KCNH5: variants seen among roughly 807,000 people sequenced by gnomAD.
KCNH5 encodes the protein potassium voltage-gated channel subfamily H member 5.
In KCNH5, 46 loss-of-function variants were observed where a neutral mutation model predicts 96.1. The observed-to-expected ratio is 0.48, with a 90% CI of 0.38 to 0.61. The LOEUF is 0.61. Among genes scored for constraint, KCNH5 ranks in the 20% least tolerant of loss-of-function variants. The pLI is 0.00. For missense variants in KCNH5, 907 were observed against 1,225.8 expected (o/e 0.74, Z 3.88); for synonymous variants, 439 against 449.8 (o/e 0.98, Z 0.30).
intron 1 of KCNH5, among the ~76,000 whole-genome samples, chr14:63,031,187 T>A (rs1891619378): frequency 6.6e-6 from 1 of 152,112 alleles, no homozygotes; most frequent in South Asian, 2.1e-4. Flanking sequence ...TCTAAGACTT[T>A]CTATTCTGTC....
At chr14:62,931,247 G>T (rs968251721) in intron 7 of KCNH5, among the ~76,000 whole-genome samples, 1 of 152,068 alleles carries the variant, frequency 6.6e-6, no homozygotes, top group Non-Finnish European at 1.5e-5. Context: ...AGCAAGGTTG[G>T]GATATTCTCT....
chr14:62,879,647 T>C (rs1888452929), intron 7 of KCNH5, among the ~76,000 whole-genome samples: 1 of 152,176 alleles, frequency 6.6e-6, no homozygotes, highest in African/African-American at 2.4e-5. Context: ...TATATTACTA[T>C]CTGTAGCGTG....
intron 8 of KCNH5, among the ~76,000 whole-genome samples, chr14:62,837,103 C>T (rs938415507): frequency 7.2e-5 from 11 of 152,088 alleles, no homozygotes; most frequent in African/African-American, 2.4e-4. Context: ...GGGCACAGTC[C>T]CTAAATGTGT....
At chr14:62,831,925 G>A (rs1033020402) in intron 8 of KCNH5, among the ~76,000 whole-genome samples, 1 of 151,876 alleles carries the variant, frequency 6.6e-6, no homozygotes, top group African/African-American at 2.4e-5. Context: ...GTTACCCAGG[G>A]TGGTCTTAAA....
intron 8 of KCNH5, among the ~76,000 whole-genome samples, chr14:62,833,382 T>A (rs1887398384): frequency 6.6e-6 from 1 of 152,056 alleles, no homozygotes; most frequent in Non-Finnish European, 1.5e-5. Flanking sequence ...CCAATACCAT[T>A]TATTTAAGAG....
intron 9 of KCNH5, among the ~76,000 whole-genome samples, chr14:62,781,551 G>A (rs1271089268): frequency 6.6e-6 from 1 of 152,118 alleles, no homozygotes; most frequent in Non-Finnish European, 1.5e-5. Flanking sequence ...GCGGGGGGTG[G>A]GGGGCAGTTT....
At chr14:62,774,450 T>C (rs1886055008) in intron 10 of KCNH5, among the ~76,000 whole-genome samples, 1 of 152,240 alleles carries the variant, frequency 6.6e-6, no homozygotes, top group African/African-American at 2.4e-5. Flanking sequence ...CCTGCCAGGT[T>C]AACTCTTTTT....
At chr14:62,874,420 C>A (rs1888326437) in intron 7 of KCNH5, among the ~76,000 whole-genome samples, 1 of 152,084 alleles carries the variant, frequency 6.6e-6, no homozygotes, top group African/African-American at 2.4e-5. Flanking sequence ...AATGAGATAC[C>A]ATCTCACACC....
Position 63,001,317 on chromosome 14 carries a change from C to G in KCNH5, c.433+14G>C. The G allele has an allele frequency of 6.3e-7, 1 of 1,591,054 alleles. No homozygotes were observed. On this transcript the variant is annotated intron_variant, in intron 4 of 10. Coordinates refer to ENST00000322893, the MANE Select transcript of KCNH5 (RefSeq NM_139318.5). ...AGCCTAATTTTTCAGTGTAGTAATT[C>G]TTTTGAAAATTACCTTTTGTTGAAT... is the stretch of plus-strand genomic sequence containing the variant.
intron 8 of KCNH5, among the ~76,000 whole-genome samples, chr14:62,836,747 T>C (rs1451740018): frequency 6.6e-6 from 1 of 152,166 alleles, no homozygotes; most frequent in East Asian, 1.9e-4. Flanking sequence ...ATTTATGCAA[T>C]TATTTTTATC....
chr14:62,984,805 A>C (rs1373429931), intron 5 of KCNH5, among the ~76,000 whole-genome samples: 5 of 152,160 alleles, frequency 3.3e-5, no homozygotes, highest in African/African-American at 9.7e-5. Flanking sequence ...GTTTCTCAAA[A>C]ATAAAAATGA....
At chr14:63,029,748 T>C (rs1891592044) in intron 1 of KCNH5, among the ~76,000 whole-genome samples, 2 of 152,086 alleles carry the variant, frequency 1.3e-5, no homozygotes, top group African/African-American at 2.4e-5. Context: ...AGGTTTCTTT[T>C]TGAAATTTCT....
At position 62,707,864 on chromosome 14, in the gene KCNH5, T is replaced by G; in HGVS notation, c.2611A>C (p.Ser871Arg). Residue 871 changes from serine (S) to arginine (R), a missense_variant, in exon 11 of 11, where the codon AGT (serine) becomes CGT (arginine). This residue lies in a region of KCNH5 where 362 missense variants were observed against 394.4 expected (regional missense o/e 0.92). Transcript: ENST00000322893. Reference sequence around the variant, plus strand: ...CCAGCCTTATCCAAACGAAGGTCACTTTTTGTAATTCCACTGTCACAAGAA... The same window carrying G: ...CCAGCCTTATCCAAACGAAGGTCACGTTTTGTAATTCCACTGTCACAAGAA... ...TDSCDSGITK[S>R]DLRLDKAGEA... 6.2e-7 allele frequency: 1 copy of G among 1,614,226 alleles called. No homozygotes were observed. Among genetic ancestry groups the G allele is most frequent in the South Asian group, 1.1e-5 (1 of 91,084 alleles).
intron 1 of KCNH5, among the ~76,000 whole-genome samples, chr14:63,042,800 A>C (rs1238011387): frequency 6.6e-6 from 1 of 152,120 alleles, no homozygotes; most frequent in Non-Finnish European, 1.5e-5. Context: ...CATAATTCTC[A>C]ATTTCTGAGG....
chr14:62,700,175 A>G lies in KCNH5; in HGVS notation c.*7333T>C, dbSNP rs1339300092. 6.6e-6 allele frequency: 1 copy of G among 152,234 alleles called. No homozygotes were observed. Among genetic ancestry groups the G allele is most frequent in the Non-Finnish European group, 1.5e-5 (1 of 68,036 alleles). The allele number at this position is 152,234 out of a possible 1,614,324, so 9.4% of individuals were successfully genotyped here. A position where few individuals can be genotyped will look rare whatever the true frequency, so the allele number is the denominator to read the frequency against. ...TAGAACATAGACTAAAAAGAACTCTATAATTTTCAATATATCGTGAATCTG... is the reference window on the plus strand; with the variant it reads ...TAGAACATAGACTAAAAAGAACTCTGTAATTTTCAATATATCGTGAATCTG... On this transcript the variant is annotated 3_prime_UTR_variant, in exon 11 of 11. Coordinates refer to ENST00000322893, the MANE Select transcript of KCNH5 (RefSeq NM_139318.5).
chr14:63,006,077 A>G (rs1025318528), intron 3 of KCNH5, among the ~76,000 whole-genome samples: 6 of 152,234 alleles, frequency 3.9e-5, no homozygotes, highest in African/African-American at 1.4e-4. Context: ...TCGTTGTCAC[A>G]TAATTATAGG....
chr14:62,723,340 A>T (rs1884855873), intron 10 of KCNH5, among the ~76,000 whole-genome samples: 1 of 152,222 alleles, frequency 6.6e-6, no homozygotes, highest in Non-Finnish European at 1.5e-5. Context: ...TCTATTATTA[A>T]GAATTATCTT....
intron 8 of KCNH5, among the ~76,000 whole-genome samples, chr14:62,811,426 T>C (rs1306731009): frequency 3.3e-5 from 5 of 152,142 alleles, no homozygotes; most frequent in Non-Finnish European, 5.9e-5. Context: ...GTTCTCCCAT[T>C]ACTCTTTGCC....
intron 6 of KCNH5, among the ~76,000 whole-genome samples, chr14:62,978,820 G>GTACA (rs1488532085): frequency 1.3e-5 from 2 of 152,142 alleles, no homozygotes; most frequent in East Asian, 3.9e-4. Context: ...TATTTACTAT[G>GTACA]TACAACATGA....
Sources: gnomAD v4.1 joint callset for allele counts (sites outside exome capture counted in the v4.1 genomes callset) on GRCh38, gnomAD v4.1.1 for gene constraint, gnomAD v4.1.1 regional missense constraint, MANE v1.5 for transcripts, NCBI Gene and HGNC (gene_info 2026-07-23, HGNC 2026-07-21) for gene names.